The following STAM variants were observed in gnomAD, a reference collection of about 807,000 sequenced individuals.
STAM encodes the protein signal transducing adaptor molecule, also known as signal transducing adapter molecule 1.
In STAM, 16 loss-of-function variants were observed where a neutral mutation model predicts 63.4. The ratio of observed to expected loss-of-function variants is 0.25; its 90% CI spans 0.17 to 0.38. The LOEUF (loss-of-function observed/expected upper bound fraction) is 0.38. Among genes scored for constraint, STAM ranks in the 10% least tolerant of loss-of-function variants. STAM has a pLI of 1.00. For synonymous variants in STAM, 238 were observed against 223.9 expected (o/e 1.06, Z -0.56); for missense variants, 636 against 657.1 (o/e 0.97, Z 0.35).
chr10:17,662,910 G>A (rs969103039), intron 2 of STAM, among the ~76,000 whole-genome samples: 2 of 152,270 alleles, frequency 1.3e-5, no homozygotes, highest in East Asian at 3.9e-4. Context: ...ACCACTTCAT[G>A]TGCATTTTGG....
rs185333782 is a variant in STAM at position 17,691,385 on chromosome 10, G to A, written c.445-1837G>A. The stretch of plus-strand genomic sequence containing the variant: ...TACAAAAAATTAGCCAGGCGTAGTG[G>A]CAGGTGCCTGTAGTCCCAGCTACTC... On this transcript the variant is annotated intron_variant, in intron 5 of 13. Coordinates refer to ENST00000377524, the MANE Select transcript of STAM (RefSeq NM_003473.4). 3.0e-4 allele frequency among the ~76,000 whole-genome samples: 46 copies of A among 152,242 alleles called. No individual in the cohort carries two copies. The South Asian group carries it at 7.0e-3, about 23-fold the overall frequency.
At chr10:17,647,486 G>A (rs1833564160) in intron 1 of STAM, among the ~76,000 whole-genome samples, 1 of 151,844 alleles carries the variant, frequency 6.6e-6, no homozygotes, top group South Asian at 2.1e-4. Flanking sequence ...CAGTTCCGGA[G>A]CCTCTTCTCT....
At chr10:17,671,175 A>G (rs1338016076) in intron 2 of STAM, among the ~76,000 whole-genome samples, 1 of 152,158 alleles carries the variant, frequency 6.6e-6, no homozygotes, top group Non-Finnish European at 1.5e-5. Context: ...TATAAAAGCT[A>G]TGCATGCACA....
At chr10:17,706,200 A>G (rs897174542) in intron 12 of STAM, among the ~76,000 whole-genome samples, 2 of 151,984 alleles carry the variant, frequency 1.3e-5, no homozygotes, top group Non-Finnish European at 2.9e-5. Context: ...CAGTTACAGC[A>G]TATAATATAC....
Position 17,688,159 on chromosome 10 carries a change from G to C in STAM, c.430G>C (p.Ala144Pro). 3 of 1,566,444 alleles carry C rather than the reference G, an allele frequency of 1.9e-6. No individual in the cohort carries two copies. The highest frequency in any genetic ancestry group is 2.6e-6 in the Non-Finnish European group (3 of 1,156,644). The change falls in exon 5 of 14, where the codon GCT becomes CCT. Residue 144 changes from alanine to proline, a missense_variant. Around this residue, in one of 3 missense-constraint regions of STAM, gnomAD observed 532 missense variants for 536.9 expected, o/e 0.99. Coordinates refer to ENST00000377524, the MANE Select transcript of STAM (RefSeq NM_003473.4). Reference sequence around the variant, plus strand: ...TAAGGAACAAGGAGTTACGTTCCCAGCTATTGGCTCTCAGGTATTTTGGGA... The same window carrying C: ...TAAGGAACAAGGAGTTACGTTCCCACCTATTGGCTCTCAGGTATTTTGGGA... ...NLKEQGVTFP[A>P]IGSQAAEQAK...
chr10:17,666,286 A>T (rs928150647), intron 2 of STAM, among the ~76,000 whole-genome samples: 1 of 152,168 alleles, frequency 6.6e-6, no homozygotes, highest in African/African-American at 2.4e-5. Context: ...TTCTAACAGA[A>T]TGAGAAAGAT....
intron 6 of STAM, 26 bp from the exon 7 acceptor site, chr10:17,695,023 G>T (rs1448490521): frequency 6.2e-7 from 1 of 1,603,890 alleles, no homozygotes; most frequent in Non-Finnish European, 8.5e-7. Flanking sequence ...AACATTTTGG[G>T]TCTTTAAAAA....
rs782354637 is a variant in STAM, at chr10:17,714,923, A to C, written c.*143A>C. Reference sequence around the variant, plus strand: ...AGGTTCAAATATTCAAGAAGGTAGAACTCTCCTCAATTTACACTGACTTTT... The same window carrying C: ...AGGTTCAAATATTCAAGAAGGTAGACCTCTCCTCAATTTACACTGACTTTT... On this transcript the variant is annotated 3_prime_UTR_variant, in exon 14 of 14. Transcript: ENST00000377524. 13 of 799,294 alleles carry C rather than the reference A, an allele frequency of 1.6e-5. No individual in the cohort carries two copies. Among genetic ancestry groups the C allele is most frequent in the Non-Finnish European group, 2.4e-5 (12 of 496,172 alleles). The allele number at this position is 799,294 out of a possible 1,614,324, so 49.5% of individuals were successfully genotyped here.
chr10:17,701,630 T>G (rs1250671036), intron 9 of STAM, among the ~76,000 whole-genome samples: 1 of 152,226 alleles, frequency 6.6e-6, no homozygotes, highest in Non-Finnish European at 1.5e-5. Context: ...ATGGATAATT[T>G]AAAGAGAATC....
intron 2 of STAM, among the ~76,000 whole-genome samples, chr10:17,661,852 A>G (rs1834181312): frequency 6.6e-6 from 1 of 152,126 alleles, no homozygotes; most frequent in South Asian, 2.1e-4. Context: ...TTTTTGGCCC[A>G]TAATGTCCTC....
intron 1 of STAM, among the ~76,000 whole-genome samples, chr10:17,652,658 TA>T (rs1176999936): frequency 9.5e-5 from 14 of 147,922 alleles, no homozygotes; most frequent in South Asian, 2.1e-4. Flanking sequence ...AAAATGCACT[TA>T]AAAAAAAAAC....
At position 17,705,746 on chromosome 10, in the gene STAM, G is replaced by A; in HGVS notation, c.1209+5G>A. The stretch of plus-strand genomic sequence containing the variant: ...TCTGGTGTTTCTGGTTCTCAGGTAA[G>A]CTTTTAGAAGCCCATGTTGTTTTAA... On this transcript the variant is annotated splice_donor_5th_base_variant and intron_variant, in intron 12 of 13. Coordinates refer to ENST00000377524, the MANE Select transcript of STAM (RefSeq NM_003473.4). 1 of 1,609,378 alleles carries A rather than the reference G, an allele frequency of 6.2e-7. No homozygotes were observed. Among genetic ancestry groups the A allele is most frequent in the Non-Finnish European group, 8.5e-7 (1 of 1,178,490 alleles).
chr10:17,672,857 T>C (rs570695914), intron 2 of STAM: 1 of 162,990 alleles, frequency 6.1e-6, no homozygotes. Flanking sequence ...TATGGTCATT[T>C]ATCAAATGAT....
intron 6 of STAM, among the ~76,000 whole-genome samples, chr10:17,693,680 A>G (rs546447718): frequency 2.0e-5 from 3 of 152,320 alleles, no homozygotes; most frequent in East Asian, 1.9e-4. Context: ...TATAATATCC[A>G]GTGTACTAAT....
At chr10:17,707,213 T>C (rs1836326381) in intron 12 of STAM, among the ~76,000 whole-genome samples, 1 of 151,932 alleles carries the variant, frequency 6.6e-6, no homozygotes, top group Admixed American at 6.6e-5. Context: ...ATGGAGACCA[T>C]CCTGGCTAAC....
chr10:17,667,271 T>G (rs1431579275), intron 2 of STAM, among the ~76,000 whole-genome samples: 3 of 151,982 alleles, frequency 2.0e-5, no homozygotes, highest in Admixed American at 6.6e-5. Context: ...GGATTACAGG[T>G]GAACGCCACC....
intron 2 of STAM, among the ~76,000 whole-genome samples, chr10:17,681,582 T>C (rs1189646484): frequency 1.3e-5 from 2 of 152,202 alleles, no homozygotes; most frequent in Non-Finnish European, 2.9e-5. Flanking sequence ...ATGTTGATAA[T>C]GTATTGTGTT....
chr10:17,697,921 A>T (rs1489668038), intron 8 of STAM, among the ~76,000 whole-genome samples: 2 of 152,164 alleles, frequency 1.3e-5, no homozygotes, highest in African/African-American at 4.8e-5. Context: ...TTTTTAGTTT[A>T]TAAGAATTTT....
At chr10:17,678,882 T>C (rs1834963830) in intron 2 of STAM, among the ~76,000 whole-genome samples, 1 of 152,240 alleles carries the variant, frequency 6.6e-6, no homozygotes, top group Non-Finnish European at 1.5e-5. Flanking sequence ...ATAGAATTTT[T>C]TGTGCTTTTG....
Sources: allele counts gnomAD v4.1 joint callset (sites outside exome capture counted in the v4.1 genomes callset), GRCh38; gene constraint gnomAD v4.1.1; regional missense constraint gnomAD v4.1.1; transcripts MANE v1.5; gene names NCBI Gene and HGNC (gene_info 2026-07-23, HGNC 2026-07-21).